The following ZNF573 variants were observed in gnomAD, a reference collection of about 807,000 sequenced individuals.
ZNF573 encodes zinc finger protein 573.
A neutral mutation model predicts 57.4 loss-of-function variants in ZNF573; 41 were observed. The ratio of observed to expected loss-of-function variants is 0.71; its 90% CI spans 0.56 to 0.93. ZNF573 has a LOEUF of 0.93. ZNF573 is among the 40% of genes least tolerant of loss of function. The pLI is 0.00. For missense variants in ZNF573, 730 were observed against 794.8 expected (o/e 0.92, Z 0.98); for synonymous variants, 249 against 261.0 (o/e 0.95, Z 0.44).
At chr19:37,763,409 AC>A (rs1333999916) in intron 4 of ZNF573, among the ~76,000 whole-genome samples, 1 of 151,466 alleles carries the variant, frequency 6.6e-6, no homozygotes, top group African/African-American at 2.4e-5. Flanking sequence ...TTGTAAAAAT[AC>A]AAAAATTAGC....
In ZNF573 at chr19:37,738,459, A is replaced by G. The variant is rs749430591; in HGVS notation, c.*33T>C. 4 of 1,498,792 alleles carry G rather than the reference A, an allele frequency of 2.7e-6. No homozygotes were observed. The highest frequency in any genetic ancestry group is 3.6e-6 in the Non-Finnish European group (4 of 1,125,054). The allele number at this position is 1,498,792 out of a possible 1,614,324, so 92.8% of individuals were successfully genotyped here. On this transcript the variant is annotated 3_prime_UTR_variant, in exon 5 of 5. Transcript: ENST00000536220. ...ATTTCTCACCAGTGTGGGCTGTCTG[A>G]TGATGAATGGCGCGCTCGTACTCTT... is the stretch of plus-strand genomic sequence containing the variant.
intron 1 of ZNF573, among the ~76,000 whole-genome samples, chr19:37,777,071 A>G (rs1452821157): frequency 6.6e-6 from 1 of 152,266 alleles, no homozygotes; most frequent in Non-Finnish European, 1.5e-5. Context: ...TATGACAAAC[A>G]GTATGAAGAT....
chr19:37,751,000 C>T (rs2045429061), intron 4 of ZNF573, among the ~76,000 whole-genome samples: 2 of 151,370 alleles, frequency 1.3e-5, no homozygotes, highest in Non-Finnish European at 1.5e-5. Flanking sequence ...TATAATGCTA[C>T]AGTAAATCAA....
chr19:37,752,049 A>C (rs140612010), intron 4 of ZNF573, among the ~76,000 whole-genome samples: 87 of 150,456 alleles, frequency 5.8e-4, no homozygotes, highest in South Asian at 4.3e-3. Context: ...TATATAGTAC[A>C]GTATATAGAC....
rs1236082833 is a variant in ZNF573 at position 37,773,652 on chromosome 19, T to C, written c.69+9A>G. ...TGATATTGCAAGGAAACAGAATTAA[T>C]CAACTTACACAGGTCATGGTTTTAG... On this transcript the variant is annotated intron_variant, in intron 2 of 4. Coordinates refer to ENST00000536220, the MANE Select transcript of ZNF573 (RefSeq NM_001172690.2). 7.8e-6 allele frequency: 12 copies of C among 1,532,684 alleles called. No individual in the cohort carries two copies. Among genetic ancestry groups the C allele is most frequent in the African/African-American group, 1.4e-5 (1 of 72,950 alleles). 94.9% of individuals were successfully genotyped at this position (1,532,684 alleles called of 1,614,324 possible).
chr19:37,757,834 C>CAT (rs758719177), intron 4 of ZNF573, among the ~76,000 whole-genome samples: 3 of 152,102 alleles, frequency 2.0e-5, no homozygotes, highest in Non-Finnish European at 4.4e-5. Context: ...AAATGTGGCA[C>CAT]ATATATACCA....
At chr19:37,769,346 T>G (rs1166502611) in intron 4 of ZNF573, among the ~76,000 whole-genome samples, 1 of 152,096 alleles carries the variant, frequency 6.6e-6, no homozygotes, top group Non-Finnish European at 1.5e-5. Flanking sequence ...TTCCTCATGA[T>G]CACTACATTG....
intron 1 of ZNF573, among the ~76,000 whole-genome samples, chr19:37,774,332 G>A (rs1175765086): frequency 6.6e-6 from 1 of 151,646 alleles, no homozygotes; most frequent in Non-Finnish European, 1.5e-5. Flanking sequence ...GTAGAGACGG[G>A]GTTTCACTAT....
intron 4 of ZNF573, among the ~76,000 whole-genome samples, chr19:37,752,550 A>T (rs2045448553): frequency 6.6e-6 from 1 of 152,236 alleles, no homozygotes; most frequent in Non-Finnish European, 1.5e-5. Flanking sequence ...AGAATAAGCA[A>T]ATCTATCGAT....
intron 4 of ZNF573, among the ~76,000 whole-genome samples, chr19:37,766,577 T>C (rs1473207937): frequency 6.6e-6 from 1 of 152,222 alleles, no homozygotes; most frequent in Non-Finnish European, 1.5e-5. Context: ...CACTGTGGTG[T>C]CTTCATCTTT....
chr19:37,768,202 C>T (rs934185368), intron 4 of ZNF573, among the ~76,000 whole-genome samples: 11 of 152,076 alleles, frequency 7.2e-5, no homozygotes, highest in Admixed American at 4.6e-4. Context: ...TTCTCTGAAT[C>T]TGTCTAATGT....
Position 37,767,164 on chromosome 19 carries a change from T to C in ZNF573, c.295+2841A>G, listed in dbSNP as rs1430035600. Reference sequence around the variant, plus strand: ...ACACCCAGATATCTGTAGTCGCCAGTCACCTCCTGACCTCAACCTCCTCCT... The same window carrying C: ...ACACCCAGATATCTGTAGTCGCCAGCCACCTCCTGACCTCAACCTCCTCCT... On this transcript the variant is annotated intron_variant, in intron 4 of 4. Transcript: ENST00000536220. 3.3e-5 allele frequency among the ~76,000 whole-genome samples: 5 copies of C among 152,032 alleles called. No individual in the cohort carries two copies. The East Asian group carries it at 9.7e-4, about 29-fold the overall frequency.
intron 3 of ZNF573, 49 bp from the exon 4 acceptor site, chr19:37,770,146 A>G: frequency 1.4e-6 from 2 of 1,392,722 alleles, no homozygotes; most frequent in Non-Finnish European, 1.9e-6. Context: ...AACAAAAGTA[A>G]CAGAAACCTT....
rs765820623 is a variant in ZNF573 at position 37,739,550 on chromosome 19, C to G, written c.940G>C (p.Gly314Arg). The G allele has an allele frequency of 6.2e-7, 1 of 1,612,672 alleles. No individual in the cohort carries two copies. The highest frequency in any genetic ancestry group is 8.5e-7 in the Non-Finnish European group (1 of 1,179,572). The change falls in exon 5 of 5, where the codon GGT (glycine) becomes CGT (arginine). Residue 314 changes from glycine to arginine, a missense_variant. By Grantham distance (125) the Gly-to-Arg change is moderately radical (BLOSUM62 -2). Coordinates refer to ENST00000536220, the MANE Select transcript of ZNF573 (RefSeq NM_001172690.2). ...CTCTGATGTACAGTAAGCTGGTGAC[C>G]TCTTCTAAAGGCCTTTCCACATTTC... is the stretch of plus-strand genomic sequence containing the variant. ...CEKCGKAFRR[G>R]HQLTVHQRVH...
intron 4 of ZNF573, among the ~76,000 whole-genome samples, chr19:37,745,297 G>A (rs545563168): frequency 3.1e-4 from 47 of 151,894 alleles, no homozygotes; most frequent in Admixed American, 3.0e-3. Flanking sequence ...GGCTGGTCTC[G>A]AACTCCTGGC....
chr19:37,765,556 C>T, intron 4 of ZNF573, among the ~76,000 whole-genome samples: 1 of 151,976 alleles, frequency 6.6e-6, no homozygotes. Context: ...ACTAAAAGCA[C>T]AAAATTAGCT....
intron 3 of ZNF573, chr19:37,770,712 T>A (rs2045647999): frequency 6.7e-6 from 1 of 149,246 alleles, no homozygotes; most frequent in South Asian, 2.1e-4. Flanking sequence ...GAGGCTACAG[T>A]GAGCTATGAT....
intron 4 of ZNF573, among the ~76,000 whole-genome samples, chr19:37,760,481 A>G (rs1037660344): frequency 6.6e-6 from 1 of 152,200 alleles, no homozygotes; most frequent in Non-Finnish European, 1.5e-5. Context: ...ATTGATATAA[A>G]TAATTGAATA....
intron 4 of ZNF573, among the ~76,000 whole-genome samples, chr19:37,743,941 G>A (rs776349583): frequency 1.1e-4 from 16 of 152,114 alleles, no homozygotes; most frequent in Non-Finnish European, 2.2e-4. Flanking sequence ...TGAACAATGA[G>A]AACTCATGGA....
Sources: allele counts gnomAD v4.1 joint callset (sites outside exome capture counted in the v4.1 genomes callset), GRCh38; gene constraint gnomAD v4.1.1; transcripts MANE v1.5; gene names NCBI Gene and HGNC (gene_info 2026-07-23, HGNC 2026-07-21).